The following NARS2 variants were observed in gnomAD, a reference collection of about 807,000 sequenced individuals.
The protein encoded by NARS2 is asparaginyl-tRNA synthetase 2, mitochondrial.
A neutral mutation model predicts 62.9 loss-of-function variants in NARS2; 60 were observed. The ratio of observed to expected loss-of-function variants is 0.95; its 90% CI spans 0.77 to 1.18. The LOEUF is 1.18. Among genes scored for constraint, NARS2 ranks in the 50% most tolerant of loss-of-function variants. NARS2 has a pLI of 0.00. For missense variants in NARS2, 619 were observed against 576.4 expected, an observed-to-expected ratio of 1.07 and a Z score of -0.76; for synonymous variants, 196 against 200.0, an observed-to-expected ratio of 0.98 and a Z score of 0.17.
Position 78,474,606 on chromosome 11 carries a change from T to G in NARS2, c.959+3832A>C, listed in dbSNP as rs1453088017. On this transcript the variant is annotated intron_variant, in intron 9 of 13. Coordinates refer to ENST00000281038, the MANE Select transcript of NARS2 (RefSeq NM_024678.6). ...GAGGATCCAGCCTAAAGAATACCTT[T>G]ACAGCCACAGTTACTCAAGTCACTT... 9.2e-5 allele frequency among the ~76,000 whole-genome samples: 14 copies of G among 152,300 alleles called. 1 individual carries two copies. The South Asian group carries it at 2.9e-3, about 32-fold the overall frequency.
intron 5 of NARS2, among the ~76,000 whole-genome samples, chr11:78,548,197 T>TA (rs2135482782): frequency 6.6e-6 from 1 of 152,198 alleles, no homozygotes; most frequent in Admixed American, 6.5e-5. Flanking sequence ...CCAGCCTGGG[T>TA]GACAGCAAAA....
intron 1 of NARS2, among the ~76,000 whole-genome samples, chr11:78,572,911 ACCAGACAAAGTTCAAGTGCT>A (rs1402117305): frequency 6.6e-6 from 1 of 152,184 alleles, no homozygotes; most frequent in Non-Finnish European, 1.5e-5. Context: ...CTCAATTTGG[ACCAGACAAAGTTCAAGTGCT>A]CAGAGCCAAA....
intron 5 of NARS2, among the ~76,000 whole-genome samples, chr11:78,556,112 G>C (rs906094541): frequency 2.0e-5 from 3 of 152,084 alleles, no homozygotes; most frequent in African/African-American, 7.2e-5. Flanking sequence ...GTTGGTTTTA[G>C]AGTAGGTGCC....
chr11:78,449,755 T>C (rs1002563953), intron 11 of NARS2, among the ~76,000 whole-genome samples: 4 of 152,172 alleles, frequency 2.6e-5, no homozygotes, highest in African/African-American at 7.2e-5. Flanking sequence ...AACTAGCCTC[T>C]ACCCACTATA....
At chr11:78,494,456 GT>G (rs1590772078) in intron 6 of NARS2, among the ~76,000 whole-genome samples, 1 of 131,288 alleles carries the variant, frequency 7.6e-6, no homozygotes, top group East Asian at 2.2e-4. Context: ...ATATATATAA[GT>G]TTTTTCTTTT....
Position 78,469,231 on chromosome 11 carries a change from A to C in NARS2, c.1026+16T>G. ...CATTTTCACACACACATATATACAT[A>C]CACACAAAATACTACCTCTGGGGTA... is the stretch of plus-strand genomic sequence containing the variant. On this transcript the variant is annotated intron_variant, in intron 10 of 13. Coordinates refer to ENST00000281038, the MANE Select transcript of NARS2 (RefSeq NM_024678.6). 6.4e-7 allele frequency: 1 copy of C among 1,564,252 alleles called. No homozygotes were observed. The highest frequency in any genetic ancestry group is 8.8e-7 in the Non-Finnish European group (1 of 1,134,794).
At chr11:78,472,468 A>C (rs1754387527) in intron 9 of NARS2, among the ~76,000 whole-genome samples, 1 of 152,226 alleles carries the variant, frequency 6.6e-6, no homozygotes, top group South Asian at 2.1e-4. Flanking sequence ...GAGCAAATAA[A>C]AAAGGTAAGT....
intron 4 of NARS2, among the ~76,000 whole-genome samples, chr11:78,565,874 T>C (rs1309100834): frequency 6.6e-6 from 1 of 152,080 alleles, no homozygotes; most frequent in East Asian, 1.9e-4. Flanking sequence ...ACAAATCACA[T>C]AAGCAAGACC....
chr11:78,447,352 T>C (rs1857799324), intron 11 of NARS2, among the ~76,000 whole-genome samples: 1 of 151,684 alleles, frequency 6.6e-6, no homozygotes, highest in South Asian at 2.1e-4. Flanking sequence ...AGATGAAAAA[T>C]AAGTTTGGAG....
At chr11:78,563,181 G>C (rs1252220586) in intron 4 of NARS2, among the ~76,000 whole-genome samples, 1 of 150,434 alleles carries the variant, frequency 6.6e-6, no homozygotes, top group Non-Finnish European at 1.5e-5. Context: ...TATCACGAAT[G>C]GTGCTAAAAT....
intron 9 of NARS2, among the ~76,000 whole-genome samples, chr11:78,476,415 T>G (rs1320733951): frequency 6.6e-6 from 1 of 152,186 alleles, no homozygotes; most frequent in Non-Finnish European, 1.5e-5. Flanking sequence ...ATTAACTGTG[T>G]GCCAAGGGGA....
intron 5 of NARS2, among the ~76,000 whole-genome samples, chr11:78,545,632 C>A (rs1206448386): frequency 6.7e-6 from 1 of 148,592 alleles, no homozygotes; most frequent in African/African-American, 2.5e-5. Context: ...TTAAGCAATT[C>A]TTGTGCCTCA....
intron 5 of NARS2, among the ~76,000 whole-genome samples, chr11:78,556,980 C>A (rs1047591114): frequency 8.5e-5 from 13 of 152,190 alleles, no homozygotes; most frequent in Non-Finnish European, 1.9e-4. Context: ...ATCTTTACAG[C>A]ATAGCATCTT....
At chr11:78,438,724 G>A (rs535053857) in intron 13 of NARS2, among the ~76,000 whole-genome samples, 1 of 152,280 alleles carries the variant, frequency 6.6e-6, no homozygotes, top group African/African-American at 2.4e-5. Context: ...GAAATTTGTG[G>A]AACTAGTTAC....
At chr11:78,486,428 A>C (rs1307035026) in intron 7 of NARS2, among the ~76,000 whole-genome samples, 3 of 152,208 alleles carry the variant, frequency 2.0e-5, no homozygotes, top group Non-Finnish European at 4.4e-5. Flanking sequence ...AGACCCAAAG[A>C]AGCACAGTGA....
In NARS2 at chr11:78,574,384, C is replaced by G; in HGVS notation, c.105G>C (p.Gly35=). The G allele has an allele frequency of 6.2e-7, 1 of 1,614,208 alleles. No homozygotes were observed. Among genetic ancestry groups the G allele is most frequent in the Non-Finnish European group, 8.5e-7 (1 of 1,180,038 alleles). Reference sequence around the variant, plus strand: ...TGCGCTCCCCACTCGCGTTCTGAGCCCCGAGAGCGTCCCGCACGCTCAGTT... The same window carrying G: ...TGCGCTCCCCACTCGCGTTCTGAGCGCCGAGAGCGTCCCGCACGCTCAGTT... ...SAKLSVRDAL[G]AQNASGERIK... The change falls in exon 1 of 14, where the codon GGG becomes GGC. Residue 35 remains glycine, a synonymous_variant. Transcript: ENST00000281038.
At position 78,455,874 on chromosome 11, in the gene NARS2, G is replaced by A. The variant is rs541389344; in HGVS notation, c.1164+10002C>T. On this transcript the variant is annotated intron_variant, in intron 11 of 13. Coordinates refer to ENST00000281038, the MANE Select transcript of NARS2 (RefSeq NM_024678.6). ...AAGAAAGGGATAAAAGTTAATTATC[G>A]GCACATACTCGATAAACATTATTGT... 6.6e-5 allele frequency among the ~76,000 whole-genome samples: 10 copies of A among 151,216 alleles called. No homozygotes were observed. The South Asian group carries it at 1.5e-3, about 22-fold the overall frequency.
At chr11:78,526,766 T>G (rs1314793960) in intron 6 of NARS2, among the ~76,000 whole-genome samples, 1 of 152,088 alleles carries the variant, frequency 6.6e-6, no homozygotes, top group East Asian at 1.9e-4. Flanking sequence ...AACAAACATT[T>G]GCTAAGTTTA....
intron 2 of NARS2, 62 bp from the exon 3 acceptor site, chr11:78,568,814 A>G: frequency 7.6e-7 from 1 of 1,322,928 alleles, no homozygotes; most frequent in Non-Finnish European, 1.0e-6. Flanking sequence ...TTTTAATATC[A>G]ACTTTGCAAT....
Sources: gnomAD v4.1 joint callset for allele counts (sites outside exome capture counted in the v4.1 genomes callset) on GRCh38, gnomAD v4.1.1 for gene constraint, MANE v1.5 for transcripts, NCBI Gene and HGNC (gene_info 2026-07-23, HGNC 2026-07-21) for gene names.